The following ANKS1B variants were observed in gnomAD, a reference collection of about 807,000 sequenced individuals.
ANKS1B encodes the protein ankyrin repeat and sterile alpha motif domain-containing protein 1B.
In ANKS1B, 36 loss-of-function variants were observed where a neutral mutation model predicts 148.3. The ratio of observed to expected loss-of-function variants is 0.24; its 90% CI spans 0.19 to 0.32. ANKS1B has a LOEUF of 0.32. Ranked by LOEUF, ANKS1B falls within the 10% of genes least tolerant of loss-of-function variation. The probability of loss-of-function intolerance (pLI) is 1.00; values close to 1 mark genes in which losing one functional copy is unlikely to be tolerated. For missense variants in ANKS1B, 1,157 were observed against 1,542.6 expected, an observed-to-expected ratio of 0.75 and a Z score of 4.19; for synonymous variants, 542 against 560.8, an observed-to-expected ratio of 0.97 and a Z score of 0.47.
At chr12:99,431,349 A>G (rs1423553320) in intron 11 of ANKS1B, among the ~76,000 whole-genome samples, 1 of 152,212 alleles carries the variant, frequency 6.6e-6, no homozygotes, top group Non-Finnish European at 1.5e-5. Context: ...TGGCATATTT[A>G]TTGCTGAGTT....
In ANKS1B at chr12:99,806,586, T is replaced by C. The variant is rs1186633611; in HGVS notation, c.487A>G (p.Thr163Ala). The C allele has an allele frequency of 6.2e-7, 1 of 1,613,976 alleles. No homozygotes were observed. The change falls in exon 4 of 27, where the codon ACA (threonine) becomes GCA (alanine). Residue 163 changes from threonine to alanine, a missense_variant. Coordinates refer to ENST00000683438, the MANE Select transcript of ANKS1B (RefSeq NM_001352186.2). ...DPTIRNSKLE[T>A]PLDLAALYGR... ...TAGAGTGCCGCCAAGTCCAAAGGTG[T>C]TTCCAGCTTGCTATTTCTAATTGTC...
chr12:99,181,231 G>C (rs2079077460), intron 14 of ANKS1B, among the ~76,000 whole-genome samples: 1 of 150,634 alleles, frequency 6.6e-6, no homozygotes, highest in East Asian at 1.9e-4. Context: ...GATAAGTTAG[G>C]AAAAAGAAGC....
intron 17 of ANKS1B, among the ~76,000 whole-genome samples, chr12:98,922,425 A>G (rs1391715942): frequency 6.6e-6 from 1 of 152,228 alleles, no homozygotes; most frequent in Non-Finnish European, 1.5e-5. Context: ...TTACTTCACC[A>G]GAAAAGGTAA....
At chr12:98,816,264 A>G (rs911587746) in intron 19 of ANKS1B, among the ~76,000 whole-genome samples, 1 of 152,036 alleles carries the variant, frequency 6.6e-6, no homozygotes, top group Non-Finnish European at 1.5e-5. Flanking sequence ...CACTCTATAA[A>G]AGAATTATTC....
chr12:99,328,446 C>T (rs1224026107), intron 12 of ANKS1B, among the ~76,000 whole-genome samples: 2 of 151,894 alleles, frequency 1.3e-5, no homozygotes, highest in Admixed American at 1.3e-4. Context: ...TGCCCAGTGC[C>T]CACACAGGAC....
chr12:99,565,889 T>C (rs2097386469), intron 9 of ANKS1B, among the ~76,000 whole-genome samples: 1 of 152,202 alleles, frequency 6.6e-6, no homozygotes, highest in South Asian at 2.1e-4. Context: ...GTCCCTTTTC[T>C]ATATCTTGGC....
At chr12:99,592,146 A>G (rs1275648) in intron 9 of ANKS1B, among the ~76,000 whole-genome samples, 59,186 of 151,824 alleles carry the variant, frequency 0.39, 11,664 homozygotes, top group South Asian at 0.46. Flanking sequence ...TTATTACTAG[A>G]AACAAGATTT....
At chr12:99,800,864 T>A (rs2066861889) in intron 4 of ANKS1B, among the ~76,000 whole-genome samples, 1 of 152,046 alleles carries the variant, frequency 6.6e-6, no homozygotes, top group South Asian at 2.1e-4. Context: ...ATAAAGATGA[T>A]ATTGGAACTC....
intron 17 of ANKS1B, among the ~76,000 whole-genome samples, chr12:98,897,432 C>A (rs139245953): frequency 6.6e-6 from 1 of 151,564 alleles, no homozygotes; most frequent in Admixed American, 6.6e-5. Flanking sequence ...ATTTCTCAAA[C>A]GAAGACATAC....
chr12:99,549,148 G>A (rs988839121), intron 9 of ANKS1B, among the ~76,000 whole-genome samples: 1 of 152,150 alleles, frequency 6.6e-6, no homozygotes, highest in Non-Finnish European at 1.5e-5. Flanking sequence ...AATAGTTAGA[G>A]AGCATCAACC....
At chr12:99,146,657 T>C (rs17029093) in intron 15 of ANKS1B, among the ~76,000 whole-genome samples, 1,591 of 152,250 alleles carry the variant, frequency 0.01, 58 homozygotes, top group Admixed American at 0.072. Flanking sequence ...GGCTTCTCTT[T>C]AAACTAAACA....
At chr12:99,603,316 T>A (rs906275549) in intron 9 of ANKS1B, among the ~76,000 whole-genome samples, 3 of 152,100 alleles carry the variant, frequency 2.0e-5, no homozygotes, top group Non-Finnish European at 4.4e-5. Flanking sequence ...TCCCATAGTA[T>A]CTATATAGTT....
At chr12:99,933,874 T>A (rs1003215898) in intron 1 of ANKS1B, among the ~76,000 whole-genome samples, 3 of 152,108 alleles carry the variant, frequency 2.0e-5, no homozygotes, top group Non-Finnish European at 4.4e-5. Context: ...TAGCTGTGGG[T>A]CTGTTGTATA....
intron 12 of ANKS1B, among the ~76,000 whole-genome samples, chr12:99,394,062 C>G (rs1411262188): frequency 6.6e-6 from 1 of 152,164 alleles, no homozygotes; most frequent in African/African-American, 2.4e-5. Flanking sequence ...TTTAAATAGG[C>G]CTTTAATGCT....
chr12:99,241,333 C>G lies in ANKS1B; in HGVS notation c.2419+3009G>C, dbSNP rs578118910. On this transcript the variant is annotated intron_variant, in intron 14 of 26. Coordinates refer to ENST00000683438, the MANE Select transcript of ANKS1B (RefSeq NM_001352186.2). ...TAAATTCCTGGACACATACACCTTC[C>G]CAAGACTAAACCAGGAAGAAGTTGA... 3.9e-5 allele frequency among the ~76,000 whole-genome samples: 6 copies of G among 152,194 alleles called. No individual in the cohort carries two copies. The South Asian group carries it at 1.2e-3, about 32-fold the overall frequency.
At chr12:99,625,289 T>C (rs139510616) in intron 9 of ANKS1B, among the ~76,000 whole-genome samples, 59 of 152,184 alleles carry the variant, frequency 3.9e-4, no homozygotes, top group African/African-American at 1.3e-3. Flanking sequence ...GGTTGCTATG[T>C]TTACTATATG....
Position 99,567,019 on chromosome 12 carries a change from A to G in ANKS1B, c.1273-62378T>C, listed in dbSNP as rs925827535. On this transcript the variant is annotated intron_variant, in intron 9 of 26. Transcript: ENST00000683438. ...ACTCAGTCAGTTTCTCCTGCTTTTC[A>G]TCAGTCAGGAGTCTGGGCCTGGCTC... Among the ~76,000 whole-genome samples, 3 of 152,280 alleles carry G rather than the reference A, an allele frequency of 2.0e-5. No individual in the cohort carries two copies. In the South Asian group the frequency reaches 6.2e-4, roughly 32 times the overall value.
At chr12:98,890,652 C>G (rs2099750710) in intron 17 of ANKS1B, among the ~76,000 whole-genome samples, 1 of 152,192 alleles carries the variant, frequency 6.6e-6, no homozygotes. Flanking sequence ...AAGTCATTCT[C>G]AAGCCTTAAC....
intron 4 of ANKS1B, among the ~76,000 whole-genome samples, chr12:99,783,788 A>G (rs892978546): frequency 6.6e-6 from 1 of 152,116 alleles, no homozygotes; most frequent in African/African-American, 2.4e-5. Context: ...ACAGCTATAT[A>G]GGAGGAAGAA....
Sources: gnomAD v4.1 joint callset for allele counts (sites outside exome capture counted in the v4.1 genomes callset) on GRCh38, gnomAD v4.1.1 for gene constraint, MANE v1.5 for transcripts, NCBI Gene and HGNC (gene_info 2026-07-23, HGNC 2026-07-21) for gene names.